Variants in GATB observed in about 807,000 individuals in gnomAD.
GATB encodes the protein glutamyl-tRNA(Gln) amidotransferase subunit B, mitochondrial.
A neutral mutation model predicts 62.3 loss-of-function variants in GATB; 39 were observed. The ratio of observed to expected loss-of-function variants is 0.63; its 90% CI spans 0.48 to 0.82. GATB has a LOEUF of 0.82. Among genes scored for constraint, GATB ranks in the 40% least tolerant of loss-of-function variants. The pLI, the probability that GATB is intolerant of heterozygous loss-of-function variation, is 0.00. For synonymous variants in GATB, 276 were observed against 258.9 expected (o/e 1.07, Z -0.63); for missense variants, 670 against 684.0 (o/e 0.98, Z 0.23).
chr4:151,691,511 C>G (rs1406609308), intron 9 of GATB: 1 of 152,218 alleles, frequency 6.6e-6, no homozygotes, highest in African/African-American at 2.4e-5. Context: ...CCCTTGATTA[C>G]TAATGATTTG....
intron 2 of GATB, chr4:151,723,665 T>C (rs939679101): frequency 2.0e-5 from 3 of 152,186 alleles, no homozygotes; most frequent in Non-Finnish European, 4.4e-5. Flanking sequence ...CTCTGGCATG[T>C]GGAGTGCTTG....
intron 2 of GATB, among the ~76,000 whole-genome samples, chr4:151,737,411 A>C (rs1245844700): frequency 2.6e-5 from 4 of 152,240 alleles, no homozygotes; most frequent in African/African-American, 9.6e-5. Context: ...CAAAGCATTC[A>C]AGAGGTGACT....
intron 2 of GATB, among the ~76,000 whole-genome samples, chr4:151,727,931 G>C (rs1256801576): frequency 6.6e-6 from 1 of 152,184 alleles, no homozygotes; most frequent in Non-Finnish European, 1.5e-5. Context: ...GGGCTAAACA[G>C]CTCCACAGAT....
intron 2 of GATB, chr4:151,722,291 G>T (rs1233810415): frequency 8.7e-6 from 6 of 688,734 alleles, no homozygotes; most frequent in Non-Finnish European, 1.6e-5. Flanking sequence ...CTCTGTCTCT[G>T]CCCTCAATGA....
intron 5 of GATB, among the ~76,000 whole-genome samples, chr4:151,711,503 G>C (rs1738818481): frequency 6.6e-6 from 1 of 152,146 alleles, no homozygotes; most frequent in Non-Finnish European, 1.5e-5. Context: ...TCAGGGCCTT[G>C]GCCTTAGCTG....
intron 6 of GATB, among the ~76,000 whole-genome samples, chr4:151,705,742 C>A (rs966372513): frequency 7.2e-5 from 11 of 152,312 alleles, no homozygotes; most frequent in South Asian, 2.1e-4. Flanking sequence ...CCCACGACCC[C>A]AAATGATTAA....
intron 11 of GATB, chr4:151,673,631 AC>A (rs1479571134): frequency 2.6e-5 from 4 of 151,886 alleles, no homozygotes; most frequent in African/African-American, 9.7e-5. Flanking sequence ...TTTTTTTTTT[AC>A]TTAAAAAATG....
chr4:151,727,473 G>A (rs1435907285), intron 2 of GATB, among the ~76,000 whole-genome samples: 2 of 152,228 alleles, frequency 1.3e-5, no homozygotes, highest in African/African-American at 4.8e-5. Flanking sequence ...TAGATAGGGA[G>A]GTTACAGTGG....
chr4:151,671,057 G>T lies in GATB; in HGVS notation c.*117C>A. 1 of 1,162,326 alleles carries T rather than the reference G, an allele frequency of 8.6e-7. No homozygotes were observed. The highest frequency in any genetic ancestry group is 1.3e-6 in the Non-Finnish European group (1 of 797,312). 72.0% of individuals were successfully genotyped at this position (1,162,326 alleles called of 1,614,324 possible). A position where few individuals can be genotyped will look rare whatever the true frequency, so the allele number is the denominator to read the frequency against. ...ACATTAATGCCATAGCTGTGGCTTG[G>T]GACAGGGATTGAGAGGCAGCTCTCA... On this transcript the variant is annotated 3_prime_UTR_variant, in exon 13 of 13. Transcript: ENST00000263985.
Position 151,671,979 on chromosome 4 carries a change from C to T in GATB, c.1546-677G>A, listed in dbSNP as rs78904005. ...CAGAACAAGCCTGAAACTACTGGCACGTCTTTATCAGTCACCACAGATGAG... is the reference window on the plus strand; with the variant it reads ...CAGAACAAGCCTGAAACTACTGGCATGTCTTTATCAGTCACCACAGATGAG... On this transcript the variant is annotated intron_variant, in intron 12 of 12. Transcript: ENST00000263985. 3.5e-3 allele frequency among the ~76,000 whole-genome samples: 529 copies of T among 152,314 alleles called. 5 individuals are homozygous for T. Among genetic ancestry groups the T allele is most frequent in the African/African-American group, 0.012 (496 of 41,566 alleles).
rs1560870316 is a variant in GATB, at chr4:151,760,924, A to C, written c.59T>G (p.Val20Gly). The change falls in exon 1 of 13, where the codon GTT becomes GGT. Residue 20 changes from valine to glycine, a missense_variant. By Grantham distance (109) the Val-to-Gly change is moderately radical. Coordinates refer to ENST00000263985, the MANE Select transcript of GATB (RefSeq NM_004564.3). ...TCTTCGGTGGCAAGAACCACCGTCAACCCGGGCGAAAGCCCAACGTCTTCC... is the reference window on the plus strand; with the variant it reads ...TCTTCGGTGGCAAGAACCACCGTCACCCCGGGCGAAAGCCCAACGTCTTCC... ...CRGRRWAFAR[V>G]DGGSCHRRGA... 6.2e-7 allele frequency: 1 copy of C among 1,613,846 alleles called. No individual in the cohort carries two copies. Among genetic ancestry groups the C allele is most frequent in the East Asian group, 2.2e-5 (1 of 44,874 alleles).
rs1354996100 is a variant in GATB, at chr4:151,716,914, T to A, written c.602A>T (p.Asn201Ile). The A allele has an allele frequency of 1.9e-6, 3 of 1,614,048 alleles. No individual in the cohort carries two copies. In the African/African-American group the frequency reaches 4.0e-5, roughly 22 times the overall value. ...ATCAATGAGCGTCTGAGACCTCAGG[T>A]TGTCGTGGAGGCTTTTGCCACTGTC... ...EQDSGKSLHD[N>I]LRSQTLIDLN... The change falls in exon 4 of 13, where the codon AAC becomes ATC. Residue 201 changes from asparagine (N) to isoleucine (I), a missense_variant. By Grantham distance (149) the Asn-to-Ile change is moderately radical. Transcript: ENST00000263985.
chr4:151,688,865 A>T (rs1002002047), intron 9 of GATB, 102 bp from the exon 10 acceptor site: 1 of 1,150,680 alleles, frequency 8.7e-7, no homozygotes, highest in Non-Finnish European at 1.2e-6. Context: ...CTCCTCTGAG[A>T]CAGCCACTTT....
At chr4:151,704,062 C>T (rs544715649) in intron 7 of GATB, among the ~76,000 whole-genome samples, 167 bp from the exon 8 acceptor site, 1 of 150,840 alleles carries the variant, frequency 6.6e-6, no homozygotes, top group African/African-American at 2.4e-5. Flanking sequence ...ATAAAGAAAG[C>T]GAAATGTACA....
At chr4:151,700,429 A>G (rs1261746779) in intron 9 of GATB, among the ~76,000 whole-genome samples, 1 of 152,250 alleles carries the variant, frequency 6.6e-6, no homozygotes, top group Non-Finnish European at 1.5e-5. Flanking sequence ...TTCAACATGC[A>G]TCTGACTGCC....
Position 151,719,470 on chromosome 4 carries a change from CTTGT to C in GATB, c.392_395del (p.Asn131ArgfsTer30), listed in dbSNP as rs1451310646. 6.2e-7 allele frequency: 1 copy of C among 1,612,230 alleles called. No individual in the cohort carries two copies. The highest frequency in any genetic ancestry group is 1.7e-5 in the Admixed American group (1 of 59,752). On this transcript the variant is annotated frameshift_variant, in exon 3 of 13. Coordinates refer to ENST00000263985, the MANE Select transcript of GATB (RefSeq NM_004564.3). LOFTEE classifies it high-confidence loss of function. The stretch of plus-strand genomic sequence containing the variant: ...AGTGCTTCCTGTCAAACAAGGACTT[CTTGT>C]TTATGTGGCAGTTCAGAGCCAGGCC...
chr4:151,697,726 G>A (rs1018305606), intron 9 of GATB, among the ~76,000 whole-genome samples: 2 of 147,916 alleles, frequency 1.4e-5, no homozygotes, highest in African/African-American at 4.9e-5. Flanking sequence ...AAGTTGCCTT[G>A]ATATATATAT....
At chr4:151,749,208 C>T (rs1362125138) in intron 2 of GATB, among the ~76,000 whole-genome samples, 1 of 152,156 alleles carries the variant, frequency 6.6e-6, no homozygotes, top group Non-Finnish European at 1.5e-5. Flanking sequence ...GACACATGCA[C>T]ACGTATGTTT....
At chr4:151,713,782 G>A (rs556122911) in intron 5 of GATB, among the ~76,000 whole-genome samples, 3 of 152,164 alleles carry the variant, frequency 2.0e-5, no homozygotes, top group African/African-American at 4.8e-5. Context: ...CTGCCACTAG[G>A]GAAGTGGTAC....
Sources: gnomAD v4.1 joint callset for allele counts (sites outside exome capture counted in the v4.1 genomes callset) on GRCh38, gnomAD v4.1.1 for gene constraint, MANE v1.5 for transcripts, NCBI Gene and HGNC (gene_info 2026-07-23, HGNC 2026-07-21) for gene names.